Variants in STK39 observed in about 807,000 individuals in gnomAD.
The protein encoded by STK39 is serine/threonine kinase 39, also known as STE20/SPS1-related proline-alanine-rich protein kinase.
Under a neutral mutation model 77.8 loss-of-function variants are expected in STK39, and 20 were observed. That is an observed-to-expected ratio of 0.26 (90% CI 0.18 to 0.37). STK39 has a LOEUF of 0.37. Among genes scored for constraint, STK39 ranks in the 10% least tolerant of loss-of-function variants. The probability of loss-of-function intolerance (pLI) is 1.00; values close to 1 mark genes in which losing one functional copy is unlikely to be tolerated. For missense variants in STK39, 479 were observed against 656.5 expected, an observed-to-expected ratio of 0.73 and a Z score of 2.95; for synonymous variants, 246 against 234.1, an observed-to-expected ratio of 1.05 and a Z score of -0.47.
intron 13 of STK39, among the ~76,000 whole-genome samples, chr2:168,063,835 T>C (rs942749813): frequency 6.6e-6 from 1 of 152,168 alleles, no homozygotes; most frequent in Non-Finnish European, 1.5e-5. Context: ...GTATAAGCTG[T>C]AGTAAAGTCC....
intron 14 of STK39, among the ~76,000 whole-genome samples, chr2:168,052,181 G>A (rs945729220): frequency 9.9e-5 from 15 of 152,206 alleles, no homozygotes; most frequent in Middle Eastern, 3.4e-3. Flanking sequence ...GGGAATGCTC[G>A]CGCAAGGCCC....
At chr2:168,197,822 G>C (rs1350324871) in intron 1 of STK39, among the ~76,000 whole-genome samples, 2 of 152,042 alleles carry the variant, frequency 1.3e-5, no homozygotes, top group African/African-American at 2.4e-5. Context: ...GATCACCTGA[G>C]GTCAGGAGTT....
At chr2:168,086,565 A>C (rs189083744) in intron 10 of STK39, among the ~76,000 whole-genome samples, 2 of 152,366 alleles carry the variant, frequency 1.3e-5, no homozygotes, top group Admixed American at 1.3e-4. Context: ...AGGATATGAA[A>C]AAGTTCTATA....
intron 12 of STK39, among the ~76,000 whole-genome samples, chr2:168,070,787 T>C (rs1237637956): frequency 6.6e-6 from 1 of 152,138 alleles, no homozygotes; most frequent in Admixed American, 6.5e-5. Flanking sequence ...ATCCTTTTTT[T>C]AATACTTTGA....
intron 8 of STK39, among the ~76,000 whole-genome samples, chr2:168,135,300 T>A (rs12464231): frequency 0.059 from 8,855 of 151,262 alleles, 461 homozygotes; most frequent in East Asian, 0.18. Flanking sequence ...ATCTTGTGAG[T>A]ACTTAGAGAC....
At chr2:168,172,001 C>T (rs1482709989) in intron 2 of STK39, among the ~76,000 whole-genome samples, 1 of 152,084 alleles carries the variant, frequency 6.6e-6, no homozygotes, top group East Asian at 1.9e-4. Context: ...GGAAGCTTGG[C>T]CTTGCCATTT....
chr2:168,241,207 G>C (rs1048492955), intron 1 of STK39, among the ~76,000 whole-genome samples: 1 of 152,194 alleles, frequency 6.6e-6, no homozygotes, highest in Non-Finnish European at 1.5e-5. Context: ...AAAGCAAAGA[G>C]GGAAAGAAGG....
chr2:168,035,526 C>G (rs568715106), intron 14 of STK39, among the ~76,000 whole-genome samples: 1 of 152,214 alleles, frequency 6.6e-6, no homozygotes, highest in East Asian at 1.9e-4. Flanking sequence ...TAGACGTGAT[C>G]AAGTCCATCT....
At chr2:168,186,368 C>T (rs1476106703) in intron 1 of STK39, among the ~76,000 whole-genome samples, 1 of 152,202 alleles carries the variant, frequency 6.6e-6, no homozygotes, top group African/African-American at 2.4e-5. Context: ...CAGACTAATA[C>T]AAAAGCCTTG....
At chr2:168,214,650 A>C (rs751765037) in intron 1 of STK39, among the ~76,000 whole-genome samples, 5 of 152,238 alleles carry the variant, frequency 3.3e-5, no homozygotes, top group South Asian at 2.1e-4. Flanking sequence ...TCAGAAAAAG[A>C]AGCATGTAAA....
intron 3 of STK39, 40 bp from the exon 4 acceptor site, chr2:168,163,920 C>T (rs1688637444): frequency 1.3e-6 from 2 of 1,599,266 alleles, no homozygotes; most frequent in East Asian, 4.5e-5. Context: ...TAAGCACCTT[C>T]ATCACCTTTT....
intron 1 of STK39, among the ~76,000 whole-genome samples, chr2:168,202,709 T>C (rs1689640372): frequency 6.6e-6 from 1 of 151,610 alleles, no homozygotes; most frequent in African/African-American, 2.4e-5. Context: ...ATTGGATCAC[T>C]ACAACTTCAG....
chr2:168,054,452 T>C (rs943872813), intron 14 of STK39, among the ~76,000 whole-genome samples: 4 of 152,264 alleles, frequency 2.6e-5, no homozygotes, highest in African/African-American at 9.6e-5. Flanking sequence ...TCATCGTGCT[T>C]GGCACATAGT....
chr2:168,093,559 G>A (rs1368721037), intron 10 of STK39, among the ~76,000 whole-genome samples: 2 of 152,184 alleles, frequency 1.3e-5, no homozygotes, highest in Non-Finnish European at 2.9e-5. Flanking sequence ...AATTCAAGAT[G>A]AGATTTGGGT....
At chr2:167,996,684 G>A (rs555146569) in intron 16 of STK39, among the ~76,000 whole-genome samples, 14 of 152,342 alleles carry the variant, frequency 9.2e-5, no homozygotes, top group South Asian at 2.1e-4. Flanking sequence ...TATAAGCATG[G>A]CTGCTCTTCC....
intron 10 of STK39, among the ~76,000 whole-genome samples, chr2:168,077,691 G>A (rs1436026469): frequency 1.3e-5 from 2 of 152,134 alleles, no homozygotes; most frequent in Admixed American, 6.5e-5. Flanking sequence ...TAAACTTGCA[G>A]CATAATTTGA....
intron 16 of STK39, among the ~76,000 whole-genome samples, chr2:167,993,698 CAG>C (rs1006941591): frequency 3.3e-5 from 5 of 152,164 alleles, no homozygotes; most frequent in African/African-American, 9.7e-5. Context: ...CCATTTTGAA[CAG>C]AGTTTTCTGT....
chr2:168,140,283 A>G lies in STK39; in HGVS notation c.840+6T>C. 6.2e-7 allele frequency: 1 copy of G among 1,608,514 alleles called. No individual in the cohort carries two copies. Among genetic ancestry groups the G allele is most frequent in the South Asian group, 1.1e-5 (1 of 90,962 alleles). ...ACCCCGATGTAGTATTTCCAATTGTAATTACTTTCATGGGAGGATATTTGT... is the reference window on the plus strand; with the variant it reads ...ACCCCGATGTAGTATTTCCAATTGTGATTACTTTCATGGGAGGATATTTGT... On this transcript the variant is annotated splice_donor_region_variant and intron_variant, in intron 7 of 17. Transcript: ENST00000355999.
intron 1 of STK39, among the ~76,000 whole-genome samples, chr2:168,226,559 C>T (rs1325031700): frequency 2.0e-5 from 3 of 152,168 alleles, no homozygotes; most frequent in Non-Finnish European, 2.9e-5. Flanking sequence ...AGTGATGCAA[C>T]TTTCATTCCC....
Sources: allele counts gnomAD v4.1 joint callset (sites outside exome capture counted in the v4.1 genomes callset), GRCh38; gene constraint gnomAD v4.1.1; transcripts MANE v1.5; gene names NCBI Gene and HGNC (gene_info 2026-07-23, HGNC 2026-07-21).